The following GPATCH8 variants were observed in gnomAD, a reference collection of about 807,000 sequenced individuals.
The protein encoded by GPATCH8 is G-patch domain containing 8.
Under a neutral mutation model 118.3 loss-of-function variants are expected in GPATCH8, and 18 were observed. The observed-to-expected ratio is 0.15, with a 90% CI of 0.11 to 0.23. GPATCH8 has a LOEUF of 0.23. Ranked by LOEUF, GPATCH8 falls within the 10% of genes least tolerant of loss-of-function variation. The pLI is 1.00. For missense variants in GPATCH8, 1,631 were observed against 1,873.8 expected, an observed-to-expected ratio of 0.87 and a Z score of 2.39; for synonymous variants, 659 against 684.7, an observed-to-expected ratio of 0.96 and a Z score of 0.59.
chr17:44,456,501 A>C (rs1390316225), intron 3 of GPATCH8, among the ~76,000 whole-genome samples: 1 of 152,202 alleles, frequency 6.6e-6, no homozygotes, highest in Non-Finnish European at 1.5e-5. Context: ...TATTCTTTTG[A>C]ATTCAAATCT....
At chr17:44,404,298 C>T (rs1430625752) in intron 7 of GPATCH8, among the ~76,000 whole-genome samples, 3 of 151,812 alleles carry the variant, frequency 2.0e-5, no homozygotes, top group Non-Finnish European at 4.4e-5. Context: ...CCACCATGCC[C>T]GGCTAATTTT....
In GPATCH8 at chr17:44,399,483, G is replaced by A; in HGVS notation, c.2594C>T (p.Ser865Phe). 6.2e-7 allele frequency: 1 copy of A among 1,614,176 alleles called. No homozygotes were observed. Among genetic ancestry groups the A allele is most frequent in the Non-Finnish European group, 8.5e-7 (1 of 1,180,036 alleles). Reference sequence around the variant, plus strand: ...GCTACTTGAGTAAGAACGCCGGGAGGAACGATGCGAGGAATGGCGCCGGCC... The same window carrying A: ...GCTACTTGAGTAAGAACGCCGGGAGAAACGATGCGAGGAATGGCGCCGGCC... ...RSGRRHSSHR[S>F]SRRSYSSSSD... Residue 865 changes from serine (S) to phenylalanine (F), a missense_variant, in exon 8 of 8, where the codon TCC becomes TTC. Coordinates refer to ENST00000591680, the MANE Select transcript of GPATCH8 (RefSeq NM_001002909.4).
chr17:44,444,230 G>C (rs945496111), intron 3 of GPATCH8, among the ~76,000 whole-genome samples: 4 of 138,952 alleles, frequency 2.9e-5, no homozygotes, highest in African/African-American at 1.1e-4. Flanking sequence ...AGATAATAAA[G>C]AGAATTCATG....
chr17:44,425,226 A>G (rs191455119), intron 5 of GPATCH8, among the ~76,000 whole-genome samples: 5 of 152,334 alleles, frequency 3.3e-5, no homozygotes, highest in Admixed American at 2.6e-4. Context: ...CTAAGTGACT[A>G]CTTGCTTGAC....
intron 6 of GPATCH8, among the ~76,000 whole-genome samples, chr17:44,406,520 A>T: frequency 7.2e-6 from 1 of 138,024 alleles, no homozygotes; most frequent in Non-Finnish European, 1.5e-5. Context: ...TATTTAAATT[A>T]GAACAAATAG....
At chr17:44,422,355 T>C (rs1278927586) in intron 6 of GPATCH8, among the ~76,000 whole-genome samples, 1 of 152,072 alleles carries the variant, frequency 6.6e-6, no homozygotes, top group Non-Finnish European at 1.5e-5. Flanking sequence ...AATTACATTT[T>C]TTGTAATTAG....
At chr17:44,480,883 CAAAAACAAAA>C (rs879491546) in intron 1 of GPATCH8, among the ~76,000 whole-genome samples, 2 of 151,420 alleles carry the variant, frequency 1.3e-5, no homozygotes, top group Admixed American at 6.6e-5. Context: ...AAAACAAAAA[CAAAAACAAAA>C]AAAAACAACC....
chr17:44,434,606 G>A (rs368433403), intron 5 of GPATCH8, among the ~76,000 whole-genome samples: 10 of 152,146 alleles, frequency 6.6e-5, no homozygotes, highest in African/African-American at 1.7e-4. Flanking sequence ...TTGGGAGGCC[G>A]AGGCGGGTGG....
At position 44,483,204 on chromosome 17, in the gene GPATCH8, T is replaced by A. The variant is rs866616500; in HGVS notation, c.46-8301A>T. On this transcript the variant is annotated intron_variant, in intron 1 of 7. Transcript: ENST00000591680. ...ATATATATATATATATATATATATA[T>A]ATATATATATATACAGCCTACCTCT... Among the ~76,000 whole-genome samples the A allele has an allele frequency of 1.9e-3, 144 of 76,746 alleles. 8 individuals carry two copies. The highest frequency in any genetic ancestry group is 2.5e-3 in the Non-Finnish European group (104 of 40,956). 50.3% of individuals were successfully genotyped at this position (76,746 alleles called of 152,430 possible). A position where few individuals can be genotyped will look rare whatever the true frequency, so the allele number is the denominator to read the frequency against.
At chr17:44,503,205 G>A (rs1970226781) in intron 1 of GPATCH8, 121 bp downstream of exon 1, 3 of 876,400 alleles carry the variant, frequency 3.4e-6, no homozygotes, top group Non-Finnish European at 5.6e-6. Flanking sequence ...GACGGGAGAA[G>A]AGCGAGCTGG....
At chr17:44,434,432 G>A (rs529206587) in intron 5 of GPATCH8, among the ~76,000 whole-genome samples, 11 of 152,238 alleles carry the variant, frequency 7.2e-5, no homozygotes, top group African/African-American at 9.6e-5. Context: ...GGTCAAGCGC[G>A]GTGACTTACG....
chr17:44,471,248 C>T (rs1967257167), intron 2 of GPATCH8, among the ~76,000 whole-genome samples: 1 of 152,144 alleles, frequency 6.6e-6, no homozygotes, highest in Non-Finnish European at 1.5e-5. Context: ...ATATTTTCAA[C>T]ATTTACCTAA....
At chr17:44,470,100 A>G (rs1967153680) in intron 2 of GPATCH8, among the ~76,000 whole-genome samples, 1 of 152,254 alleles carries the variant, frequency 6.6e-6, no homozygotes, top group African/African-American at 2.4e-5. Flanking sequence ...AGGACCGACT[A>G]GCGGCTGATG....
intron 5 of GPATCH8, 45 bp downstream of exon 5, chr17:44,435,020 A>G: frequency 2.4e-6 from 2 of 849,330 alleles, no homozygotes; most frequent in Non-Finnish European, 2.1e-6. Context: ...TTTCTTATTC[A>G]GTGAGCACCT....
At chr17:44,459,606 G>A (rs764844472) in intron 3 of GPATCH8, among the ~76,000 whole-genome samples, 1 of 151,988 alleles carries the variant, frequency 6.6e-6, no homozygotes, top group Non-Finnish European at 1.5e-5. Context: ...CTCACAAGGG[G>A]GTTGAAACAA....
At position 44,405,989 on chromosome 17, in the gene GPATCH8, A is replaced by G. The variant is rs1413159997; in HGVS notation, c.555T>C (p.Asp185=). ...ARNVSSRSRK[D]EKKQEKALRR... ...GAAGGGCTTTTTCCTGTTTTTTCTCATCCTTGCGGGATCTTGAAGAGACAT... is the reference window on the plus strand; with the variant it reads ...GAAGGGCTTTTTCCTGTTTTTTCTCGTCCTTGCGGGATCTTGAAGAGACAT... The change falls in exon 7 of 8, where the codon GAT becomes GAC. Residue 185 remains aspartate (D), a synonymous_variant. Coordinates refer to ENST00000591680, the MANE Select transcript of GPATCH8 (RefSeq NM_001002909.4). 1 of 1,609,192 alleles carries G rather than the reference A, an allele frequency of 6.2e-7. No homozygotes were observed. Among genetic ancestry groups the G allele is most frequent in the Non-Finnish European group, 8.5e-7 (1 of 1,175,712 alleles).
chr17:44,498,980 C>A (rs1969867296), intron 1 of GPATCH8, among the ~76,000 whole-genome samples: 1 of 152,142 alleles, frequency 6.6e-6, no homozygotes, highest in South Asian at 2.1e-4. Context: ...AAAGAGGATT[C>A]CTACAAACAT....
At position 44,398,345 on chromosome 17, in the gene GPATCH8, G is replaced by A. The variant is rs776714240; in HGVS notation, c.3732C>T (p.Leu1244=). 29 of 1,613,998 alleles carry A rather than the reference G, an allele frequency of 1.8e-5. No homozygotes were observed. The highest frequency in any genetic ancestry group is 3.3e-5 in the Admixed American group (2 of 60,000). Residue 1244 remains leucine, a synonymous_variant, in exon 8 of 8, where the codon CTC becomes CTT. Coordinates refer to ENST00000591680, the MANE Select transcript of GPATCH8 (RefSeq NM_001002909.4). The part of the protein sequence containing the change: ...PGDPTISHNY[L]PDPSDGDTLE... ...GGGTGTCCCCATCACTGGGGTCGGG[G>A]AGGTAGTTATGGGAGATGGTTGGGT...
At chr17:44,426,848 A>ACT (rs71361571) in intron 5 of GPATCH8, among the ~76,000 whole-genome samples, 2,389 of 35,416 alleles carry the variant, frequency 0.067, 15 homozygotes, top group Non-Finnish European at 0.1. Flanking sequence ...ACACACACAC[A>ACT]CTCTCTCTCT....
Sources: gnomAD v4.1 joint callset for allele counts (sites outside exome capture counted in the v4.1 genomes callset) on GRCh38, gnomAD v4.1.1 for gene constraint, MANE v1.5 for transcripts, NCBI Gene and HGNC (gene_info 2026-07-23, HGNC 2026-07-21) for gene names.